Variants in ALDH1A2 observed in about 807,000 individuals in gnomAD.
ALDH1A2 encodes retinal dehydrogenase 2.
In ALDH1A2, 27 loss-of-function variants were observed where a neutral mutation model predicts 60.3. The ratio of observed to expected loss-of-function variants is 0.45; its 90% confidence interval spans 0.33 to 0.62. The LOEUF is 0.62. Among genes scored for constraint, ALDH1A2 ranks in the 20% least tolerant of loss-of-function variants. The pLI, the probability that ALDH1A2 is intolerant of heterozygous loss-of-function variation, is 0.02. For missense variants in ALDH1A2, 581 were observed against 643.8 expected (o/e 0.90, Z 1.06); for synonymous variants, 289 against 232.4 (o/e 1.24, Z -2.21).
rs575696791 is a variant in ALDH1A2 at position 58,033,778 on chromosome 15, T to C, written c.118-19497A>G. On this transcript the variant is annotated intron_variant, in intron 1 of 12. Transcript: ENST00000249750. ...TCCACTATGTGCTTTTGCTCCTTTATCAGGGATCAGTTGACTACATTTGTG... is the reference window on the plus strand; with the variant it reads ...TCCACTATGTGCTTTTGCTCCTTTACCAGGGATCAGTTGACTACATTTGTG... Among the ~76,000 whole-genome samples the C allele has an allele frequency of 1.7e-4, 26 of 151,400 alleles. 1 individual carries two copies. In the South Asian group the frequency reaches 5.4e-3, roughly 32 times the overall value.
chr15:58,059,152 AATCTCATATATTT>A, intron 1 of ALDH1A2, among the ~76,000 whole-genome samples: 1 of 152,374 alleles, frequency 6.6e-6, no homozygotes, highest in South Asian at 2.1e-4. Context: ...CAATGTGCAT[AATCTCATATATTT>A]AAAAGGTTAA....
At chr15:58,043,799 C>G (rs1195241362) in intron 1 of ALDH1A2, among the ~76,000 whole-genome samples, 1 of 151,916 alleles carries the variant, frequency 6.6e-6, no homozygotes, top group Non-Finnish European at 1.5e-5. Context: ...CAGCCAAGTC[C>G]TATTAAAGCA....
intron 1 of ALDH1A2, among the ~76,000 whole-genome samples, chr15:58,030,368 T>G (rs1304535373): frequency 6.6e-6 from 1 of 152,124 alleles, no homozygotes; most frequent in Non-Finnish European, 1.5e-5. Flanking sequence ...CTCAATAAAC[T>G]AGGTATTGAT....
chr15:58,005,120 C>T (rs1332880157), intron 4 of ALDH1A2, among the ~76,000 whole-genome samples: 1 of 151,788 alleles, frequency 6.6e-6, no homozygotes, highest in African/African-American at 2.4e-5. Context: ...ACTTTTAGAT[C>T]CACTAACTCA....
intron 1 of ALDH1A2, among the ~76,000 whole-genome samples, chr15:58,055,077 G>C (rs1372526116): frequency 6.6e-6 from 1 of 152,036 alleles, no homozygotes; most frequent in East Asian, 1.9e-4. Context: ...CAAGGCTTTA[G>C]GTTAATAGTC....
intron 1 of ALDH1A2, among the ~76,000 whole-genome samples, chr15:58,016,670 G>A (rs1163400424): frequency 2.6e-5 from 4 of 151,870 alleles, no homozygotes; most frequent in African/African-American, 9.7e-5. Context: ...TATATTTCCT[G>A]TATTTTAAAG....
At chr15:57,959,088 A>C (rs1274766000) in intron 12 of ALDH1A2, among the ~76,000 whole-genome samples, 1 of 152,192 alleles carries the variant, frequency 6.6e-6, no homozygotes, top group African/African-American at 2.4e-5. Flanking sequence ...AAGTGTGCCC[A>C]CAATGAGGGA....
At chr15:58,029,563 A>G (rs1271687955) in intron 1 of ALDH1A2, among the ~76,000 whole-genome samples, 1 of 140,014 alleles carries the variant, frequency 7.1e-6, no homozygotes, top group African/African-American at 2.7e-5. Flanking sequence ...ACTGAAGGAG[A>G]TAGAGACATA....
chr15:57,957,248 T>C (rs1453621092), intron 12 of ALDH1A2, among the ~76,000 whole-genome samples: 1 of 152,134 alleles, frequency 6.6e-6, no homozygotes, highest in Non-Finnish European at 1.5e-5. Flanking sequence ...TGGTGCCCAG[T>C]CATCTCTCCA....
At chr15:57,976,080 C>T (rs1055659225) in intron 7 of ALDH1A2, among the ~76,000 whole-genome samples, 1 of 152,112 alleles carries the variant, frequency 6.6e-6, no homozygotes, top group Non-Finnish European at 1.5e-5. Context: ...TCTTTGTTGT[C>T]CTTTGCAGAC....
rs566419740 is a variant in ALDH1A2 at position 57,978,551 on chromosome 15, A to G, written c.799-12724T>C. Among the ~76,000 whole-genome samples the G allele has an allele frequency of 3.9e-5, 6 of 152,234 alleles. No individual in the cohort carries two copies. The East Asian group carries it at 5.8e-4, about 15-fold the overall frequency. ...GATAAAGCCGACTGGATTGTGGTGG[A>G]TAAGATTTTTTTTTTCCTTACAGAC... On this transcript the variant is annotated intron_variant, in intron 7 of 12. Transcript: ENST00000249750.
intron 4 of ALDH1A2, among the ~76,000 whole-genome samples, chr15:58,010,203 A>G (rs1056308980): frequency 7.2e-5 from 11 of 152,284 alleles, no homozygotes; most frequent in Middle Eastern, 3.4e-3. Flanking sequence ...AAAATCAGCC[A>G]TAATCTCACC....
At chr15:58,009,707 T>A (rs1233175994) in intron 4 of ALDH1A2, among the ~76,000 whole-genome samples, 1 of 151,968 alleles carries the variant, frequency 6.6e-6, no homozygotes, top group Non-Finnish European at 1.5e-5. Context: ...TTTTGAATTC[T>A]CTAATGAAGT....
At chr15:58,029,583 TA>T (rs58827440) in intron 1 of ALDH1A2, among the ~76,000 whole-genome samples, 3,345 of 143,120 alleles carry the variant, frequency 0.023, 79 homozygotes, top group African/African-American at 0.059. Context: ...AAAAATCCCC[TA>T]AAAAAAAAAA....
At chr15:57,985,684 T>C (rs1454417242) in intron 7 of ALDH1A2, among the ~76,000 whole-genome samples, 3 of 152,286 alleles carry the variant, frequency 2.0e-5, no homozygotes, top group African/African-American at 7.2e-5. Flanking sequence ...GCAACAAATA[T>C]TTACTATGTA....
chr15:57,955,768 T>TG (rs1370986858), intron 12 of ALDH1A2, among the ~76,000 whole-genome samples: 1 of 152,114 alleles, frequency 6.6e-6, no homozygotes, highest in Non-Finnish European at 1.5e-5. Flanking sequence ...AGACGGAGGG[T>TG]GGGAGTGGGT....
At chr15:57,997,447 A>G (rs1895101543) in intron 4 of ALDH1A2, among the ~76,000 whole-genome samples, 1 of 152,002 alleles carries the variant, frequency 6.6e-6, no homozygotes. Context: ...ATCAGAGAGT[A>G]ATGTCAAGAA....
intron 1 of ALDH1A2, among the ~76,000 whole-genome samples, chr15:58,054,617 C>G (rs1303007142): frequency 6.6e-6 from 1 of 152,104 alleles, no homozygotes; most frequent in Non-Finnish European, 1.5e-5. Context: ...GAAATTATAG[C>G]CCAGTTACAC....
chr15:58,058,249 G>A lies in ALDH1A2; in HGVS notation c.117+7285C>T, dbSNP rs188096491. 782 of 551,388 alleles carry A rather than the reference G, an allele frequency of 1.4e-3. 2 individuals are homozygous for A. The highest frequency in any genetic ancestry group is 2.4e-3 in the South Asian group (101 of 41,608). 34.2% of individuals were successfully genotyped at this position (551,388 alleles called of 1,614,324 possible). A position where few individuals can be genotyped will look rare whatever the true frequency, so the allele number is the denominator to read the frequency against. ...ACACACATCTCAGTCTGGAAATCTG[G>A]TATATGAGTGTTAGGAGTGACAGGT... On this transcript the variant is annotated intron_variant, in intron 1 of 12. Coordinates refer to ENST00000249750, the MANE Select transcript of ALDH1A2 (RefSeq NM_003888.4).
Sources: allele counts gnomAD v4.1 joint callset (sites outside exome capture counted in the v4.1 genomes callset), GRCh38; gene constraint gnomAD v4.1.1; transcripts MANE v1.5; gene names NCBI Gene and HGNC (gene_info 2026-07-23, HGNC 2026-07-21).